Variants in ATG7 observed in about 807,000 individuals in gnomAD.
ATG7 encodes autophagy related 7, also known as ubiquitin-like modifier-activating enzyme ATG7.
A neutral mutation model predicts 82.4 loss-of-function variants in ATG7; 70 were observed. The ratio of observed to expected loss-of-function variants is 0.85; its 90% CI spans 0.70 to 1.04. The LOEUF (loss-of-function observed/expected upper bound fraction) is 1.04, where lower values mean the gene tolerates loss of function less well. Among genes scored for constraint, ATG7 ranks in the 50% least tolerant of loss-of-function variants. The pLI, the probability that ATG7 is intolerant of heterozygous loss-of-function variation, is 0.00. For missense variants in ATG7, 792 were observed against 864.3 expected (o/e 0.92, Z 1.05); for synonymous variants, 287 against 313.0 (o/e 0.92, Z 0.88).
rs188060391 is a variant in ATG7 at position 11,439,326 on chromosome 3, C to T, written c.2079+12400C>T. Among the ~76,000 whole-genome samples the T allele has an allele frequency of 4.4e-4, 67 of 152,216 alleles. No individual in the cohort carries two copies. The East Asian group carries it at 7.9e-3, about 18-fold the overall frequency. ...TCAAATGATCTGCCCGTCTCAGCCTCAGAAAGTGCTGGGATTACAGGTGTG... is the reference window on the plus strand; with the variant it reads ...TCAAATGATCTGCCCGTCTCAGCCTTAGAAAGTGCTGGGATTACAGGTGTG... On this transcript the variant is annotated intron_variant, in intron 20 of 20. Coordinates refer to ENST00000693202, the MANE Select transcript of ATG7 (RefSeq NM_001349232.2).
At chr3:11,380,218 T>C (rs17475781) in intron 19 of ATG7, among the ~76,000 whole-genome samples, 166 bp downstream of exon 19, 3,894 of 152,322 alleles carry the variant, frequency 0.026, 68 homozygotes, top group Non-Finnish European at 0.037. Flanking sequence ...TCTGTATTCA[T>C]TCTCACAGTG....
chr3:11,453,536 A>G (rs1037921775), intron 20 of ATG7, among the ~76,000 whole-genome samples: 1 of 152,186 alleles, frequency 6.6e-6, no homozygotes, highest in African/African-American at 2.4e-5. Context: ...AAAAGACCCT[A>G]AAGTGCTGCA....
intron 19 of ATG7, among the ~76,000 whole-genome samples, chr3:11,422,740 C>CCTTTTTTT (rs2082038817): frequency 4.0e-5 from 2 of 49,546 alleles, no homozygotes; most frequent in Admixed American, 7.3e-4. Context: ...TCATTTCTAG[C>CCTTTTTTT]TTTTTTTTTT....
At chr3:11,568,793 C>T in the ATG7 span, 23 of 1,447,300 alleles carry the variant, frequency 1.6e-5, 1 homozygote, top group South Asian at 2.0e-4. This position sits in a 1 kb window ranked among gnomAD's most constrained non-coding sequence, Gnocchi z 5.9. Context: ...GGACTGTGCC[C>T]GAGAGAGCCC....
At chr3:11,523,787 C>T (rs1013734461) in intron 20 of ATG7, among the ~76,000 whole-genome samples, 12 of 152,306 alleles carry the variant, frequency 7.9e-5, no homozygotes, top group African/African-American at 1.4e-4. Context: ...ACAGCAGTTG[C>T]TAAATCCAGC....
intron 20 of ATG7, among the ~76,000 whole-genome samples, chr3:11,432,575 A>G (rs1238182596): frequency 6.6e-6 from 1 of 152,116 alleles, no homozygotes; most frequent in Admixed American, 6.5e-5. Context: ...CAAGTGGACT[A>G]AAATCTCAGA....
intron 19 of ATG7, among the ~76,000 whole-genome samples, chr3:11,401,125 TCA>T (rs1251342128): frequency 6.6e-6 from 1 of 152,196 alleles, no homozygotes; most frequent in African/African-American, 2.4e-5. Flanking sequence ...ATAAAAACTC[TCA>T]GACCCCGCCC....
chr3:11,451,389 T>A (rs1455563694), intron 20 of ATG7, among the ~76,000 whole-genome samples: 1 of 152,114 alleles, frequency 6.6e-6, no homozygotes, highest in Non-Finnish European at 1.5e-5. Context: ...TTTTTGTATT[T>A]TTAGTAGAGA....
At chr3:11,282,500 C>A (rs900060579) in intron 3 of ATG7, 62 bp downstream of exon 3, 6 of 152,308 alleles carry the variant, frequency 3.9e-5, no homozygotes, top group Non-Finnish European at 7.4e-5. Context: ...TCAGCTGTTA[C>A]CACAGAAATC....
chr3:11,361,286 C>CTT (rs760437157), intron 16 of ATG7, among the ~76,000 whole-genome samples: 7 of 139,100 alleles, frequency 5.0e-5, no homozygotes, highest in Middle Eastern at 3.6e-3. Flanking sequence ...ATAATGAATT[C>CTT]TTTTTTTTTT....
intron 9 of ATG7, among the ~76,000 whole-genome samples, chr3:11,324,490 G>A (rs1009606352): frequency 3.9e-5 from 6 of 152,106 alleles, no homozygotes; most frequent in Admixed American, 6.5e-5. Flanking sequence ...TGCCTCATAT[G>A]GGTAGGAAAG....
intron 20 of ATG7, among the ~76,000 whole-genome samples, chr3:11,541,164 T>C (rs1345935526): frequency 6.6e-6 from 1 of 152,228 alleles, no homozygotes; most frequent in East Asian, 1.9e-4. Context: ...CCTCCCAAAG[T>C]GCTGGGATTA....
intron 20 of ATG7, among the ~76,000 whole-genome samples, chr3:11,472,688 G>A (rs1241948563): frequency 6.6e-6 from 1 of 152,100 alleles, no homozygotes; most frequent in Non-Finnish European, 1.5e-5. Context: ...CCCCAAGCAG[G>A]TGGCTTGTGT....
At chr3:11,453,229 T>C (rs967300482) in intron 20 of ATG7, among the ~76,000 whole-genome samples, 1 of 152,204 alleles carries the variant, frequency 6.6e-6, no homozygotes, top group Non-Finnish European at 1.5e-5. Context: ...TGCCATGTGG[T>C]CTGAGCACTG....
intron 11 of ATG7, among the ~76,000 whole-genome samples, chr3:11,336,784 C>T (rs576200875): frequency 6.6e-6 from 1 of 152,120 alleles, no homozygotes; most frequent in Non-Finnish European, 1.5e-5. Flanking sequence ...ACCATCCCCC[C>T]AGCTTAGCTT....
intron 5 of ATG7, among the ~76,000 whole-genome samples, chr3:11,300,005 A>G: frequency 6.6e-6 from 1 of 151,374 alleles, no homozygotes; most frequent in South Asian, 2.1e-4. Flanking sequence ...GCCCACTGCA[A>G]CCTCTTCCTC....
intron 18 of ATG7, among the ~76,000 whole-genome samples, chr3:11,371,139 C>T (rs1332928561): frequency 2.0e-5 from 3 of 151,198 alleles, no homozygotes; most frequent in Non-Finnish European, 4.4e-5. Context: ...TTAGTGCTCT[C>T]CTCCCTCCAT....
chr3:11,558,380 G>T, downstream of ATG7: 2 of 1,069,028 alleles, frequency 1.9e-6, no homozygotes, highest in Non-Finnish European at 2.6e-6. Flanking sequence ...CCCCTTGTAC[G>T]GATACCAAGC....
rs1008243804 is a variant in ATG7 at position 11,480,390 on chromosome 3, G to A, written c.2079+53464G>A. On this transcript the variant is annotated intron_variant, in intron 20 of 20. Transcript: ENST00000693202. ...TGTCTCTACAAAAACATTTAAGATT[G>A]GCTGGGCGTGGTTGTGCATGCCTAT... Among the ~76,000 whole-genome samples the A allele has an allele frequency of 2.0e-5, 3 of 152,096 alleles. No individual in the cohort carries two copies. The East Asian group carries it at 5.8e-4, about 30-fold the overall frequency.
Sources: gnomAD v4.1 joint callset for allele counts (sites outside exome capture counted in the v4.1 genomes callset) on GRCh38, gnomAD v4.1.1 for gene constraint, Gnocchi (gnomAD v3.1) non-coding constraint, MANE v1.5 for transcripts, NCBI Gene and HGNC (gene_info 2026-07-23, HGNC 2026-07-21) for gene names.